GPATCH2L: variants seen among roughly 807,000 people sequenced by gnomAD.
GPATCH2L encodes G patch domain-containing protein 2-like.
Under a neutral mutation model 57.4 loss-of-function variants are expected in GPATCH2L, and 31 were observed. The observed-to-expected ratio is 0.54, with a 90% confidence interval of 0.41 to 0.73. The LOEUF is 0.73. Ranked by LOEUF, GPATCH2L falls within the 30% of genes least tolerant of loss-of-function variation. The pLI is 0.00. For synonymous variants in GPATCH2L, 199 were observed against 210.7 expected, an observed-to-expected ratio of 0.94 and a Z score of 0.48; for missense variants, 481 against 599.9, an observed-to-expected ratio of 0.80 and a Z score of 2.07.
downstream of GPATCH2L, among the ~76,000 whole-genome samples, chr14:76,215,562 T>C (rs1368841696): frequency 2.0e-5 from 3 of 151,578 alleles, no homozygotes; most frequent in Admixed American, 6.6e-5. Flanking sequence ...GTGGCACATA[T>C]ACACCATGGA....
downstream of GPATCH2L, among the ~76,000 whole-genome samples, chr14:76,218,640 GA>G (rs1244795571): frequency 1.3e-5 from 2 of 151,342 alleles, no homozygotes; most frequent in African/African-American, 4.8e-5. Flanking sequence ...CAATAGAATT[GA>G]AAAAAATTAT....
chr14:76,219,311 A>G (rs1370481043), downstream of GPATCH2L, among the ~76,000 whole-genome samples: 1 of 152,188 alleles, frequency 6.6e-6, no homozygotes, highest in Non-Finnish European at 1.5e-5. Context: ...AGAGACATGT[A>G]ATAGAAGAGA....
chr14:76,165,364 C>G (rs533968776), intron 2 of GPATCH2L, among the ~76,000 whole-genome samples: 4 of 151,482 alleles, frequency 2.6e-5, no homozygotes, highest in African/African-American at 4.9e-5. Flanking sequence ...TGGTGGTGCG[C>G]GCCTGTAATC....
intron 6 of GPATCH2L, among the ~76,000 whole-genome samples, chr14:76,177,408 C>T (rs548206665): frequency 6.6e-6 from 1 of 151,986 alleles, no homozygotes; most frequent in Non-Finnish European, 1.5e-5. Context: ...TATGTAGCTA[C>T]AGGAAAATAA....
In GPATCH2L at chr14:76,154,566, G is replaced by C; in HGVS notation, c.203G>C (p.Ser68Thr). The change falls in exon 2 of 10, where the codon AGT becomes ACT. Residue 68 changes from serine (S) to threonine (T), a missense_variant. Ser to Thr is a moderately conservative substitution (Grantham distance 58, BLOSUM62 1). Transcript: ENST00000261530. This position sits in a 1 kb window ranked among gnomAD's most constrained non-coding sequence, Gnocchi z 4.4. ...TCCYSEASES[S>T]LDEATKDCRE... is the part of the protein sequence containing the mutation. ...TGCTACAGCGAGGCCTCTGAGTCAA[G>C]TCTGGATGAGGCCACTAAGGACTGT... The C allele has an allele frequency of 6.2e-7, 1 of 1,614,226 alleles. No homozygotes were observed. The highest frequency in any genetic ancestry group is 8.5e-7 in the Non-Finnish European group (1 of 1,180,016).
Position 76,204,063 on chromosome 14 carries a change from T to A in GPATCH2L, c.*2212T>A, listed in dbSNP as rs1252387843. ...TTACATTTCAAACATCTCTACGAAG[T>A]CATGCCATTTTAAGGAGATGAAAAC... is the stretch of plus-strand genomic sequence containing the variant. On this transcript the variant is annotated 3_prime_UTR_variant, in exon 10 of 10. Transcript: ENST00000261530. 6.6e-6 allele frequency: 1 copy of A among 152,182 alleles called. No homozygotes were observed. The highest frequency in any genetic ancestry group is 2.4e-5 in the African/African-American group (1 of 41,448). 9.4% of individuals were successfully genotyped at this position (152,182 alleles called of 1,614,324 possible). A position where few individuals can be genotyped will look rare whatever the true frequency, so the allele number is the denominator to read the frequency against.
chr14:76,156,503 A>G (rs2038313485), intron 2 of GPATCH2L, among the ~76,000 whole-genome samples: 1 of 152,232 alleles, frequency 6.6e-6, no homozygotes, highest in African/African-American at 2.4e-5. Context: ...GTCTATTTGC[A>G]GAATTTATAT....
chr14:76,232,448 C>T (rs1032307566), intron 2 of GPATCH2L, among the ~76,000 whole-genome samples: 6 of 152,106 alleles, frequency 3.9e-5, no homozygotes, highest in Non-Finnish European at 8.8e-5. Flanking sequence ...TACAGTTGCC[C>T]GCCACTGCCC....
At chr14:76,231,076 T>A (rs1186741717) in intron 2 of GPATCH2L, among the ~76,000 whole-genome samples, 3 of 152,240 alleles carry the variant, frequency 2.0e-5, no homozygotes, top group African/African-American at 7.2e-5. Context: ...GGCTTCAGCC[T>A]TCTGACACTC....
chr14:76,184,044 G>A (rs1419218977), intron 8 of GPATCH2L, among the ~76,000 whole-genome samples: 2 of 152,032 alleles, frequency 1.3e-5, no homozygotes, highest in African/African-American at 4.8e-5. Flanking sequence ...GTGTGTGTGT[G>A]TGTGTGTGTG....
At position 76,196,301 on chromosome 14, in the gene GPATCH2L, A is replaced by G. The variant is rs998686724; in HGVS notation, c.1288+329A>G. 8.3e-6 allele frequency: 5 copies of G among 603,608 alleles called. No individual in the cohort carries two copies. In the African/African-American group the frequency reaches 9.3e-5, roughly 11 times the overall value. The allele number at this position is 603,608 out of a possible 1,614,324, so 37.4% of individuals were successfully genotyped here. A position where few individuals can be genotyped will look rare whatever the true frequency, so the allele number is the denominator to read the frequency against. The stretch of plus-strand genomic sequence containing the variant: ...AGGTGAAGTGGCAGTTCAGTCAGGC[A>G]GTCACACAGGGTTATTTACTTTCTT... On this transcript the variant is annotated intron_variant, in intron 9 of 9. Coordinates refer to ENST00000261530, the MANE Select transcript of GPATCH2L (RefSeq NM_017926.4).
In GPATCH2L at chr14:76,201,753, G is replaced by C. The variant is rs1191016560; in HGVS notation, c.1351G>C (p.Glu451Gln). 1 of 1,614,006 alleles carries C rather than the reference G, an allele frequency of 6.2e-7. No homozygotes were observed. The highest frequency in any genetic ancestry group is 1.1e-5 in the South Asian group (1 of 91,074). ...ACAAGCCCCCAAATCACCCAGCTCTGAGTGGTTGGTGAGGACCTCTGCAGC... is the reference window on the plus strand; with the variant it reads ...ACAAGCCCCCAAATCACCCAGCTCTCAGTGGTTGGTGAGGACCTCTGCAGC... ...ASQAPKSPSS[E>Q]WLVRTSAAEK... The change falls in exon 10 of 10, where the codon GAG (glutamate) becomes CAG (glutamine). Residue 451 changes from glutamate to glutamine, a missense_variant. This residue lies in a region of GPATCH2L where 248 missense variants were observed against 270.5 expected (regional missense o/e 0.92). Coordinates refer to ENST00000261530, the MANE Select transcript of GPATCH2L (RefSeq NM_017926.4).
chr14:76,154,088 G>A lies in GPATCH2L; in HGVS notation c.-10-266G>A. The A allele has an allele frequency of 3.1e-6, 1 of 322,358 alleles. No individual in the cohort carries two copies. The highest frequency in any genetic ancestry group is 5.7e-6 in the Non-Finnish European group (1 of 175,578). The allele number at this position is 322,358 out of a possible 1,614,324, so 20.0% of individuals were successfully genotyped here. ...TGGGTCCTGTCCCAGTTGTCTTCTG[G>A]TTAGTAGGTTTTTGTGCTTAAGAAT... On this transcript the variant is annotated intron_variant, in intron 1 of 9. Coordinates refer to ENST00000261530, the MANE Select transcript of GPATCH2L (RefSeq NM_017926.4). This position sits in a 1 kb window ranked among gnomAD's most constrained non-coding sequence, Gnocchi z 4.4.
chr14:76,164,811 A>T (rs2038754906), intron 2 of GPATCH2L, among the ~76,000 whole-genome samples: 3 of 152,222 alleles, frequency 2.0e-5, no homozygotes, highest in Non-Finnish European at 4.4e-5. Flanking sequence ...AACAGTGGAC[A>T]AGAGGGTTCC....
At position 76,211,600 on chromosome 14, in the gene GPATCH2L, T is replaced by C. The variant is rs1419447800; in HGVS notation, c.*9749T>C. 1 of 152,236 alleles carries C rather than the reference T, an allele frequency of 6.6e-6. No individual in the cohort carries two copies. Among genetic ancestry groups the C allele is most frequent in the East Asian group, 1.9e-4 (1 of 5,202 alleles). 9.4% of individuals were successfully genotyped at this position (152,236 alleles called of 1,614,324 possible). ...ATGTGATGGTCTTAGTTCCTTGTAC[T>C]GTTCTTCAGTGTCAAAGTTGTTCAA... On this transcript the variant is annotated 3_prime_UTR_variant, in exon 10 of 10. Coordinates refer to ENST00000261530, the MANE Select transcript of GPATCH2L (RefSeq NM_017926.4).
rs1219134530 is a variant in GPATCH2L, at chr14:76,195,982, T to C, written c.1288+10T>C. On this transcript the variant is annotated intron_variant, in intron 9 of 9. Coordinates refer to ENST00000261530, the MANE Select transcript of GPATCH2L (RefSeq NM_017926.4). ...TCTAGCCCCAGTGCAGGTGATTACA[T>C]GCAGTTATCATTTATTGAGCATGTA... The C allele has an allele frequency of 6.3e-7, 1 of 1,589,338 alleles. No individual in the cohort carries two copies. The highest frequency in any genetic ancestry group is 1.7e-5 in the Admixed American group (1 of 59,892).
chr14:76,177,957 TTA>T, intron 6 of GPATCH2L, 29 bp from the exon 7 acceptor site: 1 of 1,602,168 alleles, frequency 6.2e-7, no homozygotes, highest in South Asian at 1.1e-5. Flanking sequence ...TTTGTCATCT[TTA>T]TTTTATCATT....
intron 2 of GPATCH2L, among the ~76,000 whole-genome samples, chr14:76,163,267 A>G (rs2038681650): frequency 6.6e-6 from 1 of 152,232 alleles, no homozygotes; most frequent in African/African-American, 2.4e-5. Context: ...GGGTAGAAGC[A>G]GCATAATAAT....
rs1486431494 is a variant in GPATCH2L at position 76,155,004 on chromosome 14, C to T, written c.641C>T (p.Ser214Phe). The change falls in exon 2 of 10, where the codon TCT (serine) becomes TTT (phenylalanine). Residue 214 changes from serine (S) to phenylalanine (F), a missense_variant. Ser to Phe is a radical substitution (Grantham distance 155). Around this residue, in one of 3 missense-constraint regions of GPATCH2L, gnomAD observed 208 missense variants for 272.4 expected, o/e 0.76. Transcript: ENST00000261530. ...GAAACAGATGAACAAAAACAGGGCT[C>T]TGATGAGAACATGTCAGAATGGTGA... The part of the protein sequence containing the change: ...ECETDEQKQG[S>F]DENMSECETS... The T allele has an allele frequency of 1.9e-6, 3 of 1,612,062 alleles. No homozygotes were observed. Among genetic ancestry groups the T allele is most frequent in the Non-Finnish European group, 2.5e-6 (3 of 1,179,682 alleles).
Sources: allele counts gnomAD v4.1 joint callset (sites outside exome capture counted in the v4.1 genomes callset), GRCh38; gene constraint gnomAD v4.1.1; regional missense constraint gnomAD v4.1.1; non-coding constraint Gnocchi (gnomAD v3.1); transcripts MANE v1.5; gene names NCBI Gene and HGNC (gene_info 2026-07-23, HGNC 2026-07-21).